RBPJ: variants seen among roughly 807,000 people sequenced by gnomAD.
The protein encoded by RBPJ is recombining binding protein suppressor of hairless.
A neutral mutation model predicts 67.8 loss-of-function variants in RBPJ; 9 were observed. That is an observed-to-expected ratio of 0.13 (90% CI 0.08 to 0.23). RBPJ has a LOEUF of 0.23. RBPJ is among the 10% of genes least tolerant of loss of function. RBPJ has a pLI of 1.00. For synonymous variants in RBPJ, 198 were observed against 203.3 expected (o/e 0.97, Z 0.22); for missense variants, 305 against 595.6 (o/e 0.51, Z 5.08).
chr4:26,388,292 G>A (rs1274650769), intron 2 of RBPJ, among the ~76,000 whole-genome samples: 1 of 152,092 alleles, frequency 6.6e-6, no homozygotes, highest in Non-Finnish European at 1.5e-5. Flanking sequence ...GATCCACGGT[G>A]CCCAGCCTAA....
chr4:26,179,957 A>G (rs1218374114), intron 1 of RBPJ, among the ~76,000 whole-genome samples: 1 of 152,262 alleles, frequency 6.6e-6, no homozygotes, highest in Non-Finnish European at 1.5e-5. Flanking sequence ...GTTAAAGCAA[A>G]TGTGGTACAT....
intron 1 of RBPJ, among the ~76,000 whole-genome samples, chr4:26,379,258 C>A (rs1730073554): frequency 6.6e-6 from 1 of 151,896 alleles, no homozygotes; most frequent in Non-Finnish European, 1.5e-5. Context: ...TAGCTCACTG[C>A]AGCCTGGTAC....
intron 1 of RBPJ, among the ~76,000 whole-genome samples, chr4:26,282,581 C>T (rs565377224): frequency 3.5e-4 from 53 of 151,484 alleles, no homozygotes; most frequent in African/African-American, 1.1e-3. Flanking sequence ...AGTGCAATGG[C>T]GCGATCTCTG....
At chr4:26,204,092 G>A (rs568314820) in intron 1 of RBPJ, among the ~76,000 whole-genome samples, 14 of 152,126 alleles carry the variant, frequency 9.2e-5, no homozygotes, top group African/African-American at 2.2e-4. Flanking sequence ...CCACAGGTGC[G>A]TGCCACCATG....
chr4:26,256,026 C>T (rs552667063), intron 1 of RBPJ, among the ~76,000 whole-genome samples: 1 of 152,076 alleles, frequency 6.6e-6, no homozygotes, highest in Non-Finnish European at 1.5e-5. Context: ...CTTTTCATTT[C>T]CTCTCCCCTC....
At chr4:26,117,148 G>A in the RBPJ span, among the ~76,000 whole-genome samples, 2,997 of 152,260 alleles carry the variant, frequency 0.02, 153 homozygotes, top group East Asian at 0.12. Context: ...GGCTATCAAC[G>A]TTGCTGGACA....
chr4:26,223,297 C>T (rs1000246445), intron 1 of RBPJ, among the ~76,000 whole-genome samples: 2 of 152,132 alleles, frequency 1.3e-5, no homozygotes, highest in Non-Finnish European at 2.9e-5. Context: ...GATAGGCACT[C>T]TCCCTGACAC....
intron 1 of RBPJ, among the ~76,000 whole-genome samples, chr4:26,305,771 C>CTTTTTTTTTCTTTTTTTTTT (rs1722214260): frequency 3.0e-5 from 2 of 67,754 alleles, no homozygotes; most frequent in African/African-American, 1.3e-4. Flanking sequence ...ATTTTCTTTT[C>CTTTTTTTTTCTTTTTTTTTT]TTTTTTTTTT....
intron 1 of RBPJ, among the ~76,000 whole-genome samples, chr4:26,228,439 T>G (rs1719154723): frequency 6.6e-6 from 1 of 152,210 alleles, no homozygotes; most frequent in Non-Finnish European, 1.5e-5. Context: ...AATGTATCTG[T>G]CATTAATATG....
At chr4:26,341,019 G>A (rs867678299) in intron 1 of RBPJ, among the ~76,000 whole-genome samples, 7 of 152,176 alleles carry the variant, frequency 4.6e-5, no homozygotes, top group Non-Finnish European at 1.0e-4. Flanking sequence ...ATAAAGTTTG[G>A]AGTTTAGAAA....
At chr4:26,241,433 T>A (rs1218226524) in intron 1 of RBPJ, among the ~76,000 whole-genome samples, 5 of 152,084 alleles carry the variant, frequency 3.3e-5, no homozygotes, top group Non-Finnish European at 7.4e-5. Flanking sequence ...CAGTTTAACG[T>A]GATTTATACA....
intron 1 of RBPJ, among the ~76,000 whole-genome samples, chr4:26,205,590 A>AT (rs869174055): frequency 2.0e-5 from 3 of 151,726 alleles, no homozygotes; most frequent in African/African-American, 2.4e-5. Flanking sequence ...TCTAAAAAAA[A>AT]TTTTTTTTGT....
chr4:26,332,178 A>G (rs1341250070), intron 1 of RBPJ, among the ~76,000 whole-genome samples: 2 of 152,152 alleles, frequency 1.3e-5, no homozygotes, highest in African/African-American at 4.8e-5. Context: ...GATTAAATGG[A>G]TATTACTAAT....
intron 1 of RBPJ, among the ~76,000 whole-genome samples, chr4:26,218,671 C>T (rs902756163): frequency 1.3e-5 from 2 of 152,128 alleles, no homozygotes; most frequent in Non-Finnish European, 2.9e-5. Context: ...CCTGCCATAC[C>T]CCCTCGGCCT....
intron 1 of RBPJ, among the ~76,000 whole-genome samples, chr4:26,378,578 G>T (rs1208533949): frequency 6.6e-6 from 1 of 152,090 alleles, no homozygotes. Context: ...GATGCTGAGG[G>T]TGGCTGCAGT....
At chr4:26,322,013 C>T (rs1317049519) in intron 1 of RBPJ, 1 of 151,858 alleles carries the variant, frequency 6.6e-6, no homozygotes, top group Non-Finnish European at 1.5e-5. Flanking sequence ...CAATTTTCAT[C>T]GCCGTCTTTT....
intron 1 of RBPJ, among the ~76,000 whole-genome samples, chr4:26,250,033 G>A (rs528438038): frequency 2.5e-4 from 38 of 151,712 alleles, no homozygotes; most frequent in South Asian, 4.2e-4. Context: ...TGGTCCCCCC[G>A]CCACGGCCTC....
At chr4:26,320,881 C>T, upstream of RBPJ, 14 of 1,580,758 alleles carry the variant, frequency 8.9e-6, no homozygotes, top group African/African-American at 1.3e-5. Flanking sequence ...GCGTCTGGCT[C>T]TTCGCGGCGG....
At chr4:26,414,331 A>C (rs1047577217) in intron 3 of RBPJ, among the ~76,000 whole-genome samples, 1 of 151,938 alleles carries the variant, frequency 6.6e-6, no homozygotes. Flanking sequence ...CACCACGCCC[A>C]CTAATTTTTG....
Sources: gnomAD v4.1 joint callset for allele counts (sites outside exome capture counted in the v4.1 genomes callset) on GRCh38, gnomAD v4.1.1 for gene constraint, MANE v1.5 for transcripts, NCBI Gene and HGNC (gene_info 2026-07-23, HGNC 2026-07-21) for gene names.